Variants in MUC22 observed in about 807,000 individuals in gnomAD.
MUC22 encodes mucin 22, also known as mucin-22.
A neutral mutation model predicts 40.3 loss-of-function variants in MUC22; 24 were observed. The observed-to-expected ratio is 0.60, with a 90% CI of 0.43 to 0.84. The LOEUF (loss-of-function observed/expected upper bound fraction) is 0.84, where lower values mean the gene tolerates loss of function less well. Ranked by LOEUF, MUC22 falls within the 40% of genes least tolerant of loss-of-function variation. The pLI, the probability that MUC22 is intolerant of heterozygous loss-of-function variation, is 0.00. For synonymous variants in MUC22, 765 were observed against 844.5 expected, an observed-to-expected ratio of 0.91 and a Z score of 1.63; for missense variants, 1,926 against 2,130.7, an observed-to-expected ratio of 0.90 and a Z score of 1.89.
rs753755135 is a variant in MUC22 at position 31,025,843 on chromosome 6, A to G, written c.412A>G (p.Thr138Ala). 9 of 1,533,554 alleles carry G rather than the reference A, an allele frequency of 5.9e-6. No individual in the cohort carries two copies. In the South Asian group the frequency reaches 1.1e-4, roughly 18 times the overall value. 95.0% of individuals were successfully genotyped at this position (1,533,554 alleles called of 1,614,324 possible). The change falls in exon 2 of 4, where the codon ACA becomes GCA. Residue 138 changes from threonine to alanine, a missense_variant. Around this residue, in one of 3 missense-constraint regions of MUC22, gnomAD observed 1,281 missense variants for 1,337.8 expected, o/e 0.96. Transcript: ENST00000561890. ...GGCCTCCACCACAGTCTCTGGGACC[A>G]CAACAACCTTTACTATAGCCTCCAC...
At position 31,032,609 on chromosome 6, in the gene MUC22, G is replaced by A. The variant is rs763829494; in HGVS notation, c.5055+28G>A. 117 of 1,510,632 alleles carry A rather than the reference G, an allele frequency of 7.7e-5. No homozygotes were observed. Among genetic ancestry groups the A allele is most frequent in the Non-Finnish European group, 9.9e-5 (112 of 1,133,174 alleles). 93.6% of individuals were successfully genotyped at this position (1,510,632 alleles called of 1,614,324 possible). On this transcript the variant is annotated intron_variant, in intron 3 of 3. Transcript: ENST00000561890. This position sits in a 1 kb window ranked among gnomAD's most constrained non-coding sequence, Gnocchi z 4.1. ...GAGTACCCAGGGTGGGTTCATAGGG[G>A]AGCCTGGCAAGAAGGCAGGGGGGAA...
At chr6:31,031,523 A>G (rs1766064093) in intron 2 of MUC22, among the ~76,000 whole-genome samples, 1 of 151,806 alleles carries the variant, frequency 6.6e-6, no homozygotes. Flanking sequence ...TTTATTTTCA[A>G]TTTTTTCCAT....
chr6:31,019,218 TCTTGA>T (rs1764491516), intron 1 of MUC22, among the ~76,000 whole-genome samples: 1 of 152,240 alleles, frequency 6.6e-6, no homozygotes, highest in South Asian at 2.1e-4. Flanking sequence ...TAGAAGTTGT[TCTTGA>T]CTTCTTTTCG....
intron 2 of MUC22, among the ~76,000 whole-genome samples, chr6:31,031,160 C>A (rs1427264057): frequency 6.6e-6 from 1 of 152,198 alleles, no homozygotes; most frequent in Non-Finnish European, 1.5e-5. Flanking sequence ...CCACTTCTGA[C>A]CTAGGCACAC....
At chr6:31,027,250 A>G (rs1765482468) in exon 2 of MUC22, 1 of 1,510,234 alleles carries the variant, frequency 6.6e-7, no homozygotes, top group Admixed American at 2.0e-5. Context: ...TGAGACCACC[A>G]CAGCCTCCAT....
chr6:31,034,043 A>G (rs1766269868), intron 3 of MUC22, among the ~76,000 whole-genome samples: 1 of 152,258 alleles, frequency 6.6e-6, no homozygotes, highest in Non-Finnish European at 1.5e-5. Flanking sequence ...GCTAGGCTCA[A>G]GGCTGAATGT....
intron 3 of MUC22, among the ~76,000 whole-genome samples, chr6:31,033,725 A>G (rs1329694259): frequency 6.6e-6 from 1 of 152,182 alleles, no homozygotes; most frequent in Non-Finnish European, 1.5e-5. Context: ...GCTGGGTTGG[A>G]AATACTTACA....
chr6:31,032,368 C>A lies in MUC22; in HGVS notation c.4842C>A (p.Val1614=). Residue 1614 remains valine (V), a synonymous_variant, in exon 3 of 4, where the codon GTC becomes GTA. Coordinates refer to ENST00000561890, the Ensembl canonical transcript of MUC22. The surrounding 1 kb of genome is among the most constrained non-coding windows in gnomAD (Gnocchi z 4.1). ...CATCTACCACCTCAGCCCACGGCGT[C>A]AGGACCACCACAGGATCCACCCGTG... The A allele has an allele frequency of 6.5e-7, 1 of 1,535,754 alleles. No homozygotes were observed. Among genetic ancestry groups the A allele is most frequent in the Non-Finnish European group, 8.7e-7 (1 of 1,146,922 alleles).
At chr6:31,020,778 T>A (rs1057425507) in intron 1 of MUC22, among the ~76,000 whole-genome samples, 1 of 150,684 alleles carries the variant, frequency 6.6e-6, no homozygotes, top group Non-Finnish European at 1.5e-5. Flanking sequence ...CAGCTGCAGT[T>A]CCAGGTAGGC....
chr6:31,006,464 C>T (rs193022639), upstream of MUC22, among the ~76,000 whole-genome samples: 31 of 152,150 alleles, frequency 2.0e-4, no homozygotes, highest in Middle Eastern at 3.4e-3. Context: ...ATTCTTAGGG[C>T]GTGAAACTAC....
chr6:31,017,410 T>C (rs926708924), intron 1 of MUC22, among the ~76,000 whole-genome samples: 3 of 152,014 alleles, frequency 2.0e-5, no homozygotes, highest in African/African-American at 7.3e-5. Flanking sequence ...GGAGAATCTT[T>C]ATGTCTAGCT....
rs560594019 is a variant in MUC22, at chr6:31,030,206, GCA to G, written c.4669+111_4669+112del. 9.4e-5 allele frequency: 120 copies of G among 1,273,406 alleles called. No homozygotes were observed. In the African/African-American group the frequency reaches 1.7e-3, roughly 18 times the overall value. The allele number at this position is 1,273,406 out of a possible 1,614,324, so 78.9% of individuals were successfully genotyped here. On this transcript the variant is annotated intron_variant, in intron 2 of 3. Transcript: ENST00000561890. ...CTCTGCCCTGGTTCAAGTCAAGCCA[GCA>G]CACAGTTAGATATAATTTCCTCTTC...
exon 1 of MUC22, chr6:31,010,683 A>C: frequency 1.4e-6 from 1 of 702,486 alleles, no homozygotes; most frequent in Non-Finnish European, 2.6e-6. Context: ...TCTAAATGAC[A>C]ACTTCTATGT....
chr6:31,009,467 C>T (rs1763726008), upstream of MUC22, among the ~76,000 whole-genome samples: 1 of 152,236 alleles, frequency 6.6e-6, no homozygotes, highest in Non-Finnish European at 1.5e-5. Context: ...GCCTCCTCCC[C>T]ATCAGTGCCA....
chr6:31,034,607 T>C, intron 3 of MUC22, 65 bp from the exon 4 acceptor site: 4 of 1,334,608 alleles, frequency 3.0e-6, no homozygotes, highest in South Asian at 1.4e-5. Context: ...GAAACAGGCA[T>C]GTATGGTGAT....
intron 3 of MUC22, 46 bp from the exon 4 acceptor site, chr6:31,034,626 G>A (rs1766309645): frequency 6.8e-7 from 1 of 1,469,006 alleles, no homozygotes; most frequent in Non-Finnish European, 9.1e-7. Context: ...ATTAGGGAGA[G>A]GAGACTTAAT....
intron 1 of MUC22, among the ~76,000 whole-genome samples, chr6:31,022,006 G>A (rs764951848): frequency 3.3e-5 from 5 of 152,270 alleles, no homozygotes; most frequent in South Asian, 2.1e-4. Flanking sequence ...CCCACTGAGA[G>A]GAAGGAACAA....
chr6:31,032,440 C>T lies in MUC22; in HGVS notation c.4914C>T (p.Gly1638=). ...AGGAAACAGGCCCGGTGTCCATGGGCACAAACACAGTTAGCATGAGCCACA... is the reference window on the plus strand; with the variant it reads ...AGGAAACAGGCCCGGTGTCCATGGGTACAAACACAGTTAGCATGAGCCACA... Residue 1638 remains glycine, a synonymous_variant, in exon 3 of 4, where the codon GGC becomes GGT. Transcript: ENST00000561890. This position sits in a 1 kb window ranked among gnomAD's most constrained non-coding sequence, Gnocchi z 4.1. 1 of 1,535,732 alleles carries T rather than the reference C, an allele frequency of 6.5e-7. No individual in the cohort carries two copies. Among genetic ancestry groups the T allele is most frequent in the Non-Finnish European group, 8.7e-7 (1 of 1,146,920 alleles).
chr6:31,025,790 G>C lies in MUC22; in HGVS notation c.359G>C (p.Gly120Ala), dbSNP rs4713420. 2.6e-4 allele frequency: 399 copies of C among 1,532,898 alleles called. 3 individuals are homozygous for C. The African/African-American group carries it at 3.9e-3, about 15-fold the overall frequency. 95.0% of individuals were successfully genotyped at this position (1,532,898 alleles called of 1,614,324 possible). The stretch of plus-strand genomic sequence containing the variant: ...ACCACAGGCTCTGACACAACCACAG[G>C]CTCCACTGCAGGCTCTGAAACTATC... Residue 120 changes from glycine to alanine, a missense_variant, in exon 2 of 4, where the codon GGC becomes GCC. By Grantham distance (60) the Gly-to-Ala change is moderately conservative (BLOSUM62 0). Around this residue, in one of 3 missense-constraint regions of MUC22, gnomAD observed 1,281 missense variants for 1,337.8 expected, o/e 0.96. Coordinates refer to ENST00000561890, the Ensembl canonical transcript of MUC22.
Sources: allele counts gnomAD v4.1 joint callset (sites outside exome capture counted in the v4.1 genomes callset), GRCh38; gene constraint gnomAD v4.1.1; regional missense constraint gnomAD v4.1.1; non-coding constraint Gnocchi (gnomAD v3.1); transcripts MANE v1.5; gene names NCBI Gene and HGNC (gene_info 2026-07-23, HGNC 2026-07-21).